NALF1: variants seen among roughly 807,000 people sequenced by gnomAD.
NALF1 encodes the protein family with sequence similarity 155 member A.
In NALF1, 3 loss-of-function variants were observed where a neutral mutation model predicts 48.4. That is an observed-to-expected ratio of 0.06 (90% CI 0.03 to 0.16). The LOEUF is 0.16. Among genes scored for constraint, NALF1 ranks in the 10% least tolerant of loss-of-function variants. The pLI, the probability that NALF1 is intolerant of heterozygous loss-of-function variation, is 1.00. For synonymous variants in NALF1, 262 were observed against 245.7 expected (o/e 1.07, Z -0.62); for missense variants, 526 against 571.5 (o/e 0.92, Z 0.81).
At chr13:107,670,835 G>A (rs1177213187) in intron 1 of NALF1, among the ~76,000 whole-genome samples, 2 of 152,138 alleles carry the variant, frequency 1.3e-5, no homozygotes, top group Admixed American at 1.3e-4. Flanking sequence ...AATACCCAGT[G>A]CTGGTAGAGT....
At chr13:107,743,284 G>A (rs905276157) in intron 1 of NALF1, among the ~76,000 whole-genome samples, 1 of 152,146 alleles carries the variant, frequency 6.6e-6, no homozygotes, top group African/African-American at 2.4e-5. Context: ...GTATAAGTGT[G>A]TAAGTGATTC....
chr13:107,330,683 G>C (rs1882452831), intron 1 of NALF1, among the ~76,000 whole-genome samples: 1 of 152,152 alleles, frequency 6.6e-6, no homozygotes, highest in South Asian at 2.1e-4. Flanking sequence ...TAGTTACAGA[G>C]GGATATTGGA....
At chr13:107,694,441 T>A (rs1266395844) in intron 1 of NALF1, among the ~76,000 whole-genome samples, 1 of 152,180 alleles carries the variant, frequency 6.6e-6, no homozygotes, top group Non-Finnish European at 1.5e-5. Context: ...CAAAATCAAT[T>A]GTCAAGACAA....
intron 1 of NALF1, among the ~76,000 whole-genome samples, chr13:107,339,230 C>A (rs1459654871): frequency 2.0e-5 from 3 of 151,032 alleles, no homozygotes; most frequent in Admixed American, 6.6e-5. Flanking sequence ...TTTTAAAAAC[C>A]TTTATCTTCT....
chr13:107,786,196 C>T (rs753074508), intron 1 of NALF1, among the ~76,000 whole-genome samples: 2 of 151,964 alleles, frequency 1.3e-5, no homozygotes, highest in Non-Finnish European at 2.9e-5. Flanking sequence ...GCGGGCAGAT[C>T]ATCTGAGGTC....
intron 1 of NALF1, among the ~76,000 whole-genome samples, chr13:107,768,800 G>A (rs1027413242): frequency 2.6e-5 from 4 of 151,940 alleles, no homozygotes; most frequent in African/African-American, 9.7e-5. Flanking sequence ...TCTGACAAAC[G>A]GCTAATATCC....
At position 107,866,338 on chromosome 13, in the gene NALF1, T is replaced by G. The variant is rs537066337; in HGVS notation, c.259A>C (p.Arg87=). The part of the protein sequence containing the change: ...RQQQQQQQQQ[R]QRQQQQQQRR... ...TGCTGCTGCTGCTGCTGCCGCTGCC[T>G]CTGCTGCTGCTGCTGCTGCTGCTGC... is the stretch of plus-strand genomic sequence containing the variant. Residue 87 remains arginine, a synonymous_variant, in exon 1 of 3, where the codon AGG becomes CGG. Coordinates refer to ENST00000375915, the MANE Select transcript of NALF1 (RefSeq NM_001080396.3). The surrounding 1 kb of genome is among the most constrained non-coding windows in gnomAD (Gnocchi z 4.4). 6.6e-4 allele frequency: 1,053 copies of G among 1,598,724 alleles called. 2 individuals are homozygous for G. In the East Asian group the frequency reaches 0.012, roughly 18 times the overall value.
intron 1 of NALF1, among the ~76,000 whole-genome samples, chr13:107,711,954 C>T (rs565282860): frequency 1.1e-3 from 175 of 152,226 alleles, no homozygotes; most frequent in Non-Finnish European, 1.3e-3. Flanking sequence ...ACACAGACAT[C>T]AGGCAAGTTT....
At chr13:107,850,846 C>T (rs1179182635) in intron 1 of NALF1, among the ~76,000 whole-genome samples, 2 of 151,492 alleles carry the variant, frequency 1.3e-5, no homozygotes, top group African/African-American at 2.4e-5. Flanking sequence ...GAGGTTGCAG[C>T]GAGCCAAGAT....
chr13:107,326,945 TG>T (rs1434422424), intron 1 of NALF1, among the ~76,000 whole-genome samples: 6 of 151,680 alleles, frequency 4.0e-5, no homozygotes, highest in Admixed American at 3.9e-4. Flanking sequence ...CACTGGGCCT[TG>T]AGGGTGATCT....
At chr13:107,714,971 G>GT (rs1480667406) in intron 1 of NALF1, among the ~76,000 whole-genome samples, 255 of 151,612 alleles carry the variant, frequency 1.7e-3, no homozygotes, top group African/African-American at 5.9e-3. Context: ...TGTTTAGAAG[G>GT]GTTTTTTTTT....
At chr13:107,757,476 G>T (rs1274153367) in intron 1 of NALF1, among the ~76,000 whole-genome samples, 2 of 148,384 alleles carry the variant, frequency 1.3e-5, no homozygotes, top group South Asian at 4.3e-4. Flanking sequence ...AATGATAAGG[G>T]GCTAGAAATC....
intron 1 of NALF1, among the ~76,000 whole-genome samples, chr13:107,297,964 A>G (rs1039616616): frequency 6.6e-6 from 1 of 152,218 alleles, no homozygotes; most frequent in South Asian, 2.1e-4. Context: ...AAGGGAGCAC[A>G]TCTTACAGTA....
chr13:107,434,782 T>C (rs1361804727), intron 1 of NALF1, among the ~76,000 whole-genome samples: 1 of 152,226 alleles, frequency 6.6e-6, no homozygotes, highest in Non-Finnish European at 1.5e-5. Context: ...GAATATTTTA[T>C]CTCTAAGAAT....
At chr13:107,489,571 C>G (rs999892017) in intron 1 of NALF1, among the ~76,000 whole-genome samples, 1 of 152,096 alleles carries the variant, frequency 6.6e-6, no homozygotes, top group Non-Finnish European at 1.5e-5. Flanking sequence ...TAGTCACATG[C>G]AGAAAATTGA....
intron 1 of NALF1, among the ~76,000 whole-genome samples, chr13:107,449,443 A>T (rs1884705042): frequency 6.6e-6 from 1 of 152,110 alleles, no homozygotes. Flanking sequence ...AAGAGGTAAA[A>T]TTGCAAAGGG....
At chr13:107,463,126 G>A (rs773903967) in intron 1 of NALF1, among the ~76,000 whole-genome samples, 33 of 152,224 alleles carry the variant, frequency 2.2e-4, no homozygotes, top group African/African-American at 1.4e-4. Flanking sequence ...TCATCTCTGC[G>A]TATCTACTAA....
chr13:107,861,507 A>G (rs952252643), intron 1 of NALF1, among the ~76,000 whole-genome samples: 16 of 152,236 alleles, frequency 1.1e-4, no homozygotes, highest in South Asian at 2.1e-4. Flanking sequence ...TTTCTTGGCC[A>G]GGCGCTGTGG....
chr13:107,182,718 G>A lies in NALF1; in HGVS notation c.1088-11932C>T, dbSNP rs186578300. ...GAAGATCATTAATGAGAAAATTGAC[G>A]AAGTTTTACTTTCTTCAACAAATCC... On this transcript the variant is annotated intron_variant, in intron 2 of 2. Coordinates refer to ENST00000375915, the MANE Select transcript of NALF1 (RefSeq NM_001080396.3). Among the ~76,000 whole-genome samples, 114 of 152,220 alleles carry A rather than the reference G, an allele frequency of 7.5e-4. 1 individual carries two copies. Among genetic ancestry groups the A allele is most frequent in the South Asian group, 1.7e-3 (8 of 4,820 alleles).
Sources: gnomAD v4.1 joint callset for allele counts (sites outside exome capture counted in the v4.1 genomes callset) on GRCh38, gnomAD v4.1.1 for gene constraint, Gnocchi (gnomAD v3.1) non-coding constraint, MANE v1.5 for transcripts, NCBI Gene and HGNC (gene_info 2026-07-23, HGNC 2026-07-21) for gene names.